GPLD1: variants seen among roughly 807,000 people sequenced by gnomAD.
GPLD1 encodes the protein phosphatidylinositol-glycan-specific phospholipase D.
GPLD1 carries 84 observed loss-of-function variants against 112.6 expected under a neutral mutation model. The observed-to-expected ratio is 0.75, with a 90% CI of 0.63 to 0.89. GPLD1 has a LOEUF of 0.89. Ranked by LOEUF, GPLD1 falls within the 40% of genes least tolerant of loss-of-function variation. The pLI is 0.00. For synonymous variants in GPLD1, 386 were observed against 403.8 expected, an observed-to-expected ratio of 0.96 and a Z score of 0.53; for missense variants, 1,044 against 1,051.5, an observed-to-expected ratio of 0.99 and a Z score of 0.10.
intron 24 of GPLD1, among the ~76,000 whole-genome samples, chr6:24,432,930 TTTTTAG>T (rs1239731712): frequency 6.6e-6 from 1 of 152,248 alleles, no homozygotes; most frequent in African/African-American, 2.4e-5. Context: ...TGAGCTGACT[TTTTTAG>T]TTCATGGCTT....
chr6:24,427,192 A>C lies in GPLD1; in HGVS notation c.*1840T>G, dbSNP rs768009463. Reference sequence around the variant, plus strand: ...GCCCGCTAATGTTTACTGAAACTGAAACCCTATGATACATTCCATTCCCTT... The same window carrying C: ...GCCCGCTAATGTTTACTGAAACTGACACCCTATGATACATTCCATTCCCTT... On this transcript the variant is annotated 3_prime_UTR_variant, in exon 25 of 25. Coordinates refer to ENST00000230036, the MANE Select transcript of GPLD1 (RefSeq NM_001503.4). Among the ~76,000 whole-genome samples the C allele has an allele frequency of 6.6e-6, 1 of 152,246 alleles. No homozygotes were observed. The highest frequency in any genetic ancestry group is 1.5e-5 in the Non-Finnish European group (1 of 68,048).
intron 14 of GPLD1, among the ~76,000 whole-genome samples, chr6:24,453,511 C>T (rs867826070): frequency 6.6e-6 from 1 of 152,124 alleles, no homozygotes; most frequent in South Asian, 2.1e-4. Flanking sequence ...TGGTGTGCAC[C>T]TGTAGTACCA....
intron 22 of GPLD1, among the ~76,000 whole-genome samples, chr6:24,434,303 CAGG>C (rs1271879017): frequency 3.3e-5 from 5 of 151,816 alleles, no homozygotes; most frequent in Admixed American, 6.6e-5. Context: ...GAAGCTGAGG[CAGG>C]AGAATCGCTT....
chr6:24,441,940 ATTCAT>A (rs1762758816), intron 20 of GPLD1, among the ~76,000 whole-genome samples: 1 of 149,540 alleles, frequency 6.7e-6, no homozygotes, highest in Non-Finnish European at 1.5e-5. Context: ...GGTGACATTA[ATTCAT>A]ATTTATATAT....
upstream of GPLD1, among the ~76,000 whole-genome samples, chr6:24,492,640 C>T (rs2127377023): frequency 6.6e-6 from 1 of 152,042 alleles, no homozygotes; most frequent in Admixed American, 6.6e-5. Flanking sequence ...GGAAGAGGTC[C>T]CTCTCACCTG....
At chr6:24,439,285 A>C (rs879848403) in intron 20 of GPLD1, among the ~76,000 whole-genome samples, 1 of 151,588 alleles carries the variant, frequency 6.6e-6, no homozygotes, top group Non-Finnish European at 1.5e-5. Context: ...CAGAGAAGTC[A>C]CCCCAAGGTC....
chr6:24,434,306 G>A (rs1762501373), intron 22 of GPLD1, among the ~76,000 whole-genome samples: 2 of 151,934 alleles, frequency 1.3e-5, no homozygotes, highest in African/African-American at 4.8e-5. Context: ...GCTGAGGCAG[G>A]AGAATCGCTT....
intron 6 of GPLD1, 133 bp downstream of exon 6, chr6:24,473,486 G>T: frequency 1.7e-6 from 1 of 585,810 alleles, no homozygotes; most frequent in African/African-American, 1.9e-5. Flanking sequence ...TACTCTAAAT[G>T]AACTGCAACA....
chr6:24,448,220 C>A lies in GPLD1; in HGVS notation c.1447-12G>T. 6.3e-7 allele frequency: 1 copy of A among 1,577,614 alleles called. No homozygotes were observed. The highest frequency in any genetic ancestry group is 8.7e-7 in the Non-Finnish European group (1 of 1,150,966). Reference sequence around the variant, plus strand: ...ACATACACGGCACCCTAGATAAGGACAAACAGCAGATAGACATGAGGCTCT... The same window carrying A: ...ACATACACGGCACCCTAGATAAGGAAAAACAGCAGATAGACATGAGGCTCT... On this transcript the variant is annotated splice_polypyrimidine_tract_variant and intron_variant, in intron 15 of 24. Transcript: ENST00000230036.
At chr6:24,447,852 T>C in intron 17 of GPLD1, 25 bp downstream of exon 17, 1 of 1,612,142 alleles carries the variant, frequency 6.2e-7, no homozygotes, top group Non-Finnish European at 8.5e-7. Flanking sequence ...AGCCATGGTC[T>C]CACCCATTCC....
intron 3 of GPLD1, among the ~76,000 whole-genome samples, chr6:24,479,045 G>A (rs1764113828): frequency 6.6e-6 from 1 of 152,024 alleles, no homozygotes; most frequent in Non-Finnish European, 1.5e-5. Flanking sequence ...AGCCTAATGG[G>A]TACAGTCAGC....
chr6:24,437,069 C>G, intron 21 of GPLD1, 44 bp downstream of exon 21: 5 of 1,572,020 alleles, frequency 3.2e-6, no homozygotes, highest in African/African-American at 1.3e-5. Flanking sequence ...ACCCCCTGGG[C>G]AAAGGGACTC....
At chr6:24,478,773 G>A (rs116538107) in intron 3 of GPLD1, among the ~76,000 whole-genome samples, 2,257 of 151,922 alleles carry the variant, frequency 0.015, 29 homozygotes, top group South Asian at 0.037. Context: ...CTCTCTCCAC[G>A]GTTCCAGTAA....
downstream of GPLD1, chr6:24,425,331 A>AT (rs1406510879): frequency 6.6e-5 from 10 of 152,292 alleles, no homozygotes; most frequent in Admixed American, 1.3e-4. Context: ...AATTTTTGTC[A>AT]TTTTTCCTTG....
chr6:24,436,756 A>G lies in GPLD1; in HGVS notation c.2198-20T>C. 6.2e-7 allele frequency: 1 copy of G among 1,611,188 alleles called. No individual in the cohort carries two copies. Among genetic ancestry groups the G allele is most frequent in the Non-Finnish European group, 8.5e-7 (1 of 1,178,896 alleles). On this transcript the variant is annotated intron_variant, in intron 21 of 24. Transcript: ENST00000230036. ...TTTCATCTGAAAACAATAAAAACCG[A>G]CAGAAGGAAGTATTTGACTCCTCAC...
At chr6:24,470,135 T>C (rs1763752010) in intron 7 of GPLD1, among the ~76,000 whole-genome samples, 1 of 151,938 alleles carries the variant, frequency 6.6e-6, no homozygotes, top group Non-Finnish European at 1.5e-5. Flanking sequence ...GTTTTTTTTT[T>C]GTTTGTTTTT....
chr6:24,467,055 A>G (rs1030922268), intron 8 of GPLD1, 112 bp downstream of exon 8: 31 of 1,097,892 alleles, frequency 2.8e-5, no homozygotes, highest in African/African-American at 2.2e-4. Flanking sequence ...CTGCCTTTGA[A>G]TAAGCAGAAT....
intron 1 of GPLD1, among the ~76,000 whole-genome samples, chr6:24,487,996 A>G (rs1007497768): frequency 2.0e-5 from 3 of 152,222 alleles, no homozygotes; most frequent in Admixed American, 6.5e-5. Flanking sequence ...ATCGTAGCTC[A>G]GTATATATGT....
chr6:24,458,232 C>T (rs192795477), intron 12 of GPLD1, among the ~76,000 whole-genome samples: 28 of 152,152 alleles, frequency 1.8e-4, no homozygotes, highest in Non-Finnish European at 2.6e-4. Context: ...ATGGCTCAGG[C>T]GCTGCAAAAG....
Sources: allele counts gnomAD v4.1 joint callset (sites outside exome capture counted in the v4.1 genomes callset), GRCh38; gene constraint gnomAD v4.1.1; transcripts MANE v1.5; gene names NCBI Gene and HGNC (gene_info 2026-07-23, HGNC 2026-07-21).